Variants in PCDHA6 observed in about 807,000 individuals in gnomAD.
PCDHA6 encodes the protein protocadherin alpha 6.
PCDHA6 carries 55 observed loss-of-function variants against 60.3 expected under a neutral mutation model. The ratio of observed to expected loss-of-function variants is 0.91; its 90% CI spans 0.73 to 1.14. PCDHA6 has a LOEUF of 1.14. PCDHA6 is among the 50% of genes most tolerant of loss of function. PCDHA6 has a pLI of 0.00. For synonymous variants in PCDHA6, 652 were observed against 557.9 expected (o/e 1.17, Z -2.38); for missense variants, 1,327 against 1,256.5 (o/e 1.06, Z -0.85).
At chr5:140,937,150 G>C (rs2153631833) in intron 1 of PCDHA6, among the ~76,000 whole-genome samples, 1 of 149,812 alleles carries the variant, frequency 6.7e-6, no homozygotes, top group East Asian at 2.0e-4. Context: ...CCATTCTCCT[G>C]CCTCAGCCTC....
At chr5:141,003,658 A>G (rs1379758431) in intron 3 of PCDHA6, among the ~76,000 whole-genome samples, 2 of 152,212 alleles carry the variant, frequency 1.3e-5, no homozygotes, top group Non-Finnish European at 2.9e-5. Flanking sequence ...GTATGCATTT[A>G]TTAAAATATA....
In PCDHA6 at chr5:140,980,207, CT is replaced by C. The variant is rs2096880359; in HGVS notation, c.2453+1204del. Among the ~76,000 whole-genome samples, 4 of 152,182 alleles carry C rather than the reference CT, an allele frequency of 2.6e-5. No individual in the cohort carries two copies. In the South Asian group the frequency reaches 8.3e-4, roughly 31 times the overall value. On this transcript the variant is annotated intron_variant, in intron 2 of 3. Coordinates refer to ENST00000529310, the MANE Select transcript of PCDHA6 (RefSeq NM_018909.4). ...TATATTTATTAGAGACCAACTTGTGCTTTTGCCTGCATCTGAGCTGTTGGTG... is the reference window on the plus strand; with the variant it reads ...TATATTTATTAGAGACCAACTTGTGCTTTGCCTGCATCTGAGCTGTTGGTG...
rs183711966 is a variant in PCDHA6 at position 140,861,816 on chromosome 5, C to G, written c.2394+31331C>G. 643 of 159,770 alleles carry G rather than the reference C, an allele frequency of 4.0e-3. 2 individuals carry two copies. The highest frequency in any genetic ancestry group is 5.6e-3 in the Non-Finnish European group (413 of 73,346). 9.9% of individuals were successfully genotyped at this position (159,770 alleles called of 1,614,324 possible). A position where few individuals can be genotyped will look rare whatever the true frequency, so the allele number is the denominator to read the frequency against. On this transcript the variant is annotated intron_variant, in intron 1 of 3. Coordinates refer to ENST00000529310, the MANE Select transcript of PCDHA6 (RefSeq NM_018909.4). ...TGAAGGTGTATTTTAAAAATTCTTT[C>G]AGATAGGTAAGTCACTTCAGAGCTA...
intron 1 of PCDHA6, among the ~76,000 whole-genome samples, chr5:140,969,719 T>G (rs1448594057): frequency 7.9e-5 from 12 of 152,220 alleles, no homozygotes; most frequent in Non-Finnish European, 1.5e-4. Flanking sequence ...AGGGAAATTT[T>G]TCTTTTGAAA....
intron 1 of PCDHA6, chr5:140,854,299 C>A: frequency 2.4e-6 from 1 of 414,144 alleles, no homozygotes; most frequent in Non-Finnish European, 3.2e-6. Context: ...TTATTTTGTG[C>A]GTGGAGATGA....
At chr5:140,876,310 G>C (rs1167952130) in intron 1 of PCDHA6, 2 of 1,613,982 alleles carry the variant, frequency 1.2e-6, no homozygotes, top group Non-Finnish European at 1.7e-6. Context: ...AATTTCCTAT[G>C]GGATCAAAAT....
chr5:140,883,352 G>T (rs1554177776), intron 1 of PCDHA6: 1 of 1,614,164 alleles, frequency 6.2e-7, no homozygotes, highest in South Asian at 1.1e-5. Flanking sequence ...CATCAGAGAA[G>T]ACACTCAGCC....
At chr5:140,841,702 T>C in intron 1 of PCDHA6, 2 of 1,613,896 alleles carry the variant, frequency 1.2e-6, no homozygotes, top group African/African-American at 1.3e-5. Context: ...AGGATGTTAA[T>C]GACAACCCGC....
In PCDHA6 at chr5:140,858,494, C is replaced by T. The variant is rs1451749220; in HGVS notation, c.2394+28009C>T. 40 of 1,482,664 alleles carry T rather than the reference C, an allele frequency of 2.7e-5. 3 individuals carry two copies. In the Middle Eastern group the frequency reaches 5.1e-4, roughly 19 times the overall value. 91.8% of individuals were successfully genotyped at this position (1,482,664 alleles called of 1,614,324 possible). A position where few individuals can be genotyped will look rare whatever the true frequency, so the allele number is the denominator to read the frequency against. On this transcript the variant is annotated intron_variant, in intron 1 of 3. Transcript: ENST00000529310. Reference sequence around the variant, plus strand: ...CTTTATGAATAATATTTTCTCTTACCGCATTTTCTCAAATATGTATCAGAA... The same window carrying T: ...CTTTATGAATAATATTTTCTCTTACTGCATTTTCTCAAATATGTATCAGAA...
intron 1 of PCDHA6, among the ~76,000 whole-genome samples, chr5:140,973,878 A>T (rs1440672302): frequency 6.6e-6 from 1 of 152,214 alleles, no homozygotes; most frequent in African/African-American, 2.4e-5. Context: ...GGTCAGAATA[A>T]TGTCAATTTG....
Position 140,862,950 on chromosome 5 carries a change from G to T in PCDHA6, c.2394+32465G>T, listed in dbSNP as rs559605019. The T allele has an allele frequency of 5.5e-6, 3 of 541,462 alleles. No homozygotes were observed. The East Asian group carries it at 1.4e-4, about 26-fold the overall frequency. 33.5% of individuals were successfully genotyped at this position (541,462 alleles called of 1,614,324 possible). A position where few individuals can be genotyped will look rare whatever the true frequency, so the allele number is the denominator to read the frequency against. ...GGCGGCGCTGTGAGTGAGCTGGTGC[G>T]GTATTCAGTGGATGCAGGCCACTTG... On this transcript the variant is annotated intron_variant, in intron 1 of 3. Coordinates refer to ENST00000529310, the MANE Select transcript of PCDHA6 (RefSeq NM_018909.4).
intron 3 of PCDHA6, among the ~76,000 whole-genome samples, chr5:140,995,853 A>G (rs934469128): frequency 4.6e-5 from 7 of 152,220 alleles, no homozygotes. Context: ...TTTCTATCGT[A>G]TCACTTAATA....
chr5:140,830,378 G>A lies in PCDHA6; in HGVS notation c.2287G>A (p.Gly763Ser). Reference protein sequence around the residue: ...QRRQRVCSGEGPPKMDLMAFS... With the variant: ...QRRQRVCSGESPPKMDLMAFS... ...GCGGCAGAGGGTGTGCTCCGGGGAG[G>A]GCCCACCCAAGATGGATCTCATGGC... is the stretch of plus-strand genomic sequence containing the variant. Residue 763 changes from glycine to serine, a missense_variant, in exon 1 of 4, where the codon GGC becomes AGC. Transcript: ENST00000529310. The A allele has an allele frequency of 6.2e-7, 1 of 1,614,122 alleles. No homozygotes were observed. Among genetic ancestry groups the A allele is most frequent in the Non-Finnish European group, 8.5e-7 (1 of 1,180,012 alleles).
chr5:140,958,495 C>T (rs559117374), intron 1 of PCDHA6, among the ~76,000 whole-genome samples: 1 of 152,138 alleles, frequency 6.6e-6, no homozygotes, highest in African/African-American at 2.4e-5. Context: ...TCCACATATC[C>T]TAGGAGGCAT....
intron 1 of PCDHA6, chr5:140,842,063 G>C (rs1213934072): frequency 1.2e-6 from 2 of 1,613,830 alleles, no homozygotes; most frequent in African/African-American, 1.3e-5. Flanking sequence ...GTCTGAATAC[G>C]AAGTAAGAAT....
chr5:140,946,527 G>A (rs1414920308), intron 1 of PCDHA6, among the ~76,000 whole-genome samples: 1 of 150,718 alleles, frequency 6.6e-6, no homozygotes, highest in Non-Finnish European at 1.5e-5. Flanking sequence ...GCACTCCCAT[G>A]TTCATTGCAG....
At chr5:140,850,475 G>A (rs372827076) in intron 1 of PCDHA6, 1 of 1,598,006 alleles carries the variant, frequency 6.3e-7, no homozygotes, top group Middle Eastern at 1.7e-4. Flanking sequence ...CAGCGCTGAC[G>A]GCCACGGCCA....
chr5:140,968,094 A>G, intron 1 of PCDHA6: 1 of 1,614,138 alleles, frequency 6.2e-7, no homozygotes. Flanking sequence ...ACAGCCACAG[A>G]TGGGGGAATA....
At chr5:140,843,816 A>T in intron 1 of PCDHA6, 1 of 1,230,332 alleles carries the variant, frequency 8.1e-7, no homozygotes, top group Non-Finnish European at 1.1e-6. Context: ...TTTATAGTGA[A>T]AATTTAAACA....
Sources: allele counts gnomAD v4.1 joint callset (sites outside exome capture counted in the v4.1 genomes callset), GRCh38; gene constraint gnomAD v4.1.1; transcripts MANE v1.5; gene names NCBI Gene and HGNC (gene_info 2026-07-23, HGNC 2026-07-21).